UNC5D: variants seen among roughly 807,000 people sequenced by gnomAD.
UNC5D encodes the protein unc-5 netrin receptor D.
A neutral mutation model predicts 105.4 loss-of-function variants in UNC5D; 39 were observed. That is an observed-to-expected ratio of 0.37 (90% CI 0.29 to 0.48). UNC5D has a LOEUF of 0.48. Ranked by LOEUF, UNC5D falls within the 20% of genes least tolerant of loss-of-function variation. UNC5D has a pLI of 0.98. For synonymous variants in UNC5D, 452 were observed against 450.4 expected (o/e 1.00, Z -0.04); for missense variants, 991 against 1,202.4 (o/e 0.82, Z 2.60).
chr8:35,241,617 T>C (rs1218639170), intron 1 of UNC5D, among the ~76,000 whole-genome samples: 1 of 152,174 alleles, frequency 6.6e-6, no homozygotes, highest in Non-Finnish European at 1.5e-5. Context: ...TCAGTATTCT[T>C]CTTATATGAC....
At chr8:35,737,514 A>C (rs1829537920) in intron 11 of UNC5D, among the ~76,000 whole-genome samples, 1 of 152,110 alleles carries the variant, frequency 6.6e-6, no homozygotes, top group Admixed American at 6.6e-5. Context: ...CTGAAGAATT[A>C]ATAAAGAAGG....
intron 1 of UNC5D, among the ~76,000 whole-genome samples, chr8:35,240,754 C>G (rs1008553721): frequency 6.6e-6 from 1 of 152,100 alleles, no homozygotes; most frequent in Non-Finnish European, 1.5e-5. Context: ...CAAATGATAT[C>G]TTTATTACTA....
At chr8:35,539,369 A>G (rs1563515059) in intron 1 of UNC5D, among the ~76,000 whole-genome samples, 4 of 152,210 alleles carry the variant, frequency 2.6e-5, no homozygotes. Flanking sequence ...TACTATATTG[A>G]ACTATAGAAT....
At chr8:35,740,157 G>T (rs890163611) in intron 11 of UNC5D, among the ~76,000 whole-genome samples, 10 of 152,198 alleles carry the variant, frequency 6.6e-5, no homozygotes, top group Non-Finnish European at 1.0e-4. Context: ...CTGGCAGAAG[G>T]CAGAAAGCTG....
In UNC5D at chr8:35,237,179, G is replaced by GTTTT. The variant is rs3073013; in HGVS notation, c.103+1316_103+1319dup. ...CCATTTGCATTTCATTTCCTGAAAA[G>GTTTT]TTTTTTTTTTTTTTTTTTTTTTTTT... is the stretch of plus-strand genomic sequence containing the variant. On this transcript the variant is annotated intron_variant, in intron 1 of 16. Coordinates refer to ENST00000404895, the MANE Select transcript of UNC5D (RefSeq NM_080872.4). Among the ~76,000 whole-genome samples the GTTTT allele has an allele frequency of 6.3e-4, 39 of 61,792 alleles. 2 individuals are homozygous for GTTTT. Among genetic ancestry groups the GTTTT allele is most frequent in the South Asian group, 2.3e-3 (3 of 1,302 alleles). 40.5% of individuals were successfully genotyped at this position (61,792 alleles called of 152,430 possible). A position where few individuals can be genotyped will look rare whatever the true frequency, so the allele number is the denominator to read the frequency against.
At chr8:35,269,290 A>G (rs1805106653) in intron 1 of UNC5D, among the ~76,000 whole-genome samples, 1 of 152,306 alleles carries the variant, frequency 6.6e-6, no homozygotes, top group East Asian at 1.9e-4. Flanking sequence ...TGCTCTAGTC[A>G]GACCCCAGGT....
intron 1 of UNC5D, among the ~76,000 whole-genome samples, chr8:35,317,310 T>A (rs2980406): frequency 3.3e-5 from 5 of 152,074 alleles, no homozygotes; most frequent in Admixed American, 6.6e-5. Context: ...AGATAACACC[T>A]CTTCTCAAAG....
chr8:35,398,904 C>G (rs1804267965), intron 1 of UNC5D, among the ~76,000 whole-genome samples: 1 of 151,970 alleles, frequency 6.6e-6, no homozygotes, highest in South Asian at 2.1e-4. Flanking sequence ...ACCTGTAATC[C>G]TAACACTTTG....
chr8:35,326,930 A>C (rs1810209796), intron 1 of UNC5D, among the ~76,000 whole-genome samples: 1 of 152,196 alleles, frequency 6.6e-6, no homozygotes, highest in Non-Finnish European at 1.5e-5. Context: ...AAAAGAAGGA[A>C]GGGTCAATCC....
At chr8:35,256,969 T>G (rs563599139) in intron 1 of UNC5D, among the ~76,000 whole-genome samples, 455 of 149,540 alleles carry the variant, frequency 3.0e-3, no homozygotes, top group Admixed American at 4.9e-3. Context: ...GTTTTTTTTT[T>G]TTTTTTGTTT....
intron 13 of UNC5D, among the ~76,000 whole-genome samples, chr8:35,751,403 G>C (rs1031215453): frequency 6.6e-6 from 1 of 152,176 alleles, no homozygotes; most frequent in African/African-American, 2.4e-5. Context: ...TCTTGTGGCC[G>C]ATTTGTTAGT....
chr8:35,375,716 G>A (rs532600639), intron 1 of UNC5D, among the ~76,000 whole-genome samples: 2 of 152,308 alleles, frequency 1.3e-5, no homozygotes, highest in African/African-American at 2.4e-5. Flanking sequence ...TAATTTAGCT[G>A]CATTTCATGG....
chr8:35,613,586 G>A (rs1045550005), intron 4 of UNC5D, among the ~76,000 whole-genome samples: 2 of 152,154 alleles, frequency 1.3e-5, no homozygotes, highest in African/African-American at 4.8e-5. Flanking sequence ...GGCCAGGCAT[G>A]GTCACTCACG....
intron 1 of UNC5D, among the ~76,000 whole-genome samples, chr8:35,314,528 A>T (rs1053580109): frequency 6.6e-6 from 1 of 151,804 alleles, no homozygotes; most frequent in East Asian, 2.0e-4. Context: ...AATTAGTAGG[A>T]ATAGTGGTTG....
At chr8:35,433,750 G>A (rs1806809035) in intron 1 of UNC5D, among the ~76,000 whole-genome samples, 1 of 151,462 alleles carries the variant, frequency 6.6e-6, no homozygotes, top group South Asian at 2.1e-4. Context: ...TTAGGAGGCT[G>A]AGGCAGGAGA....
chr8:35,250,426 C>T (rs553087418), intron 1 of UNC5D, among the ~76,000 whole-genome samples: 2 of 152,198 alleles, frequency 1.3e-5, no homozygotes, highest in South Asian at 2.1e-4. Context: ...CCTGAGTATA[C>T]TGTGTGATGC....
intron 1 of UNC5D, among the ~76,000 whole-genome samples, chr8:35,390,999 T>C (rs1451086290): frequency 1.3e-5 from 2 of 152,206 alleles, no homozygotes; most frequent in African/African-American, 2.4e-5. Context: ...TTGTATGCCA[T>C]TGGGGCTTGT....
In UNC5D at chr8:35,350,410, T is replaced by A. The variant is rs1563334708; in HGVS notation, c.103+114523T>A. On this transcript the variant is annotated intron_variant, in intron 1 of 16. Transcript: ENST00000404895. ...TAGGTGTCTTTGTCTATTTCATTCA[T>A]GTTGATGTCTTAAGTAAATAAAAGT... Among the ~76,000 whole-genome samples the A allele has an allele frequency of 2.6e-5, 4 of 152,050 alleles. No individual in the cohort carries two copies. The South Asian group carries it at 8.3e-4, about 31-fold the overall frequency.
At chr8:35,687,645 T>C (rs1826104417) in intron 7 of UNC5D, among the ~76,000 whole-genome samples, 1 of 152,094 alleles carries the variant, frequency 6.6e-6, no homozygotes. Flanking sequence ...GAGGGTCAAC[T>C]AGAGTCAAAG....
Sources: allele counts gnomAD v4.1 joint callset (sites outside exome capture counted in the v4.1 genomes callset), GRCh38; gene constraint gnomAD v4.1.1; transcripts MANE v1.5; gene names NCBI Gene and HGNC (gene_info 2026-07-23, HGNC 2026-07-21).